The following ERCC6L2 variants were observed in gnomAD, a reference collection of about 807,000 sequenced individuals.
ERCC6L2 encodes ERCC excision repair 6 like 2.
A neutral mutation model predicts 132.0 loss-of-function variants in ERCC6L2; 77 were observed. That is an observed-to-expected ratio of 0.58 (90% CI 0.49 to 0.71). The LOEUF (loss-of-function observed/expected upper bound fraction) is 0.71, where lower values mean the gene tolerates loss of function less well. Among genes scored for constraint, ERCC6L2 ranks in the 30% least tolerant of loss-of-function variants. The pLI is 0.00. For synonymous variants in ERCC6L2, 583 were observed against 632.4 expected (o/e 0.92, Z 1.17); for missense variants, 1,542 against 1,837.6 (o/e 0.84, Z 2.94).
At chr9:95,936,478 A>C (rs1389990470) in intron 11 of ERCC6L2, among the ~76,000 whole-genome samples, 1 of 152,160 alleles carries the variant, frequency 6.6e-6, no homozygotes, top group Non-Finnish European at 1.5e-5. Flanking sequence ...TGTGATCAAC[A>C]TGTGATGGTG....
At chr9:95,929,856 A>G (rs1830261616) in intron 11 of ERCC6L2, among the ~76,000 whole-genome samples, 1 of 152,162 alleles carries the variant, frequency 6.6e-6, no homozygotes. Context: ...GCACTAAACA[A>G]TGGTTCCAAT....
In ERCC6L2 at chr9:95,875,734, C is replaced by T. The variant is rs1046969510; in HGVS notation, c.-305C>T. The T allele has an allele frequency of 4.3e-6, 2 of 463,554 alleles. No homozygotes were observed. The highest frequency in any genetic ancestry group is 7.8e-6 in the Non-Finnish European group (2 of 255,986). 28.7% of individuals were successfully genotyped at this position (463,554 alleles called of 1,614,324 possible). On this transcript the variant is annotated 5_prime_UTR_variant, in exon 1 of 19. Transcript: ENST00000653738. ...GGGGTCGCCTTGCCGGCCTCCTGTC[C>T]TCCTCCGGCGGCGGCGGAGCCCGAG...
intron 5 of ERCC6L2, 123 bp downstream of exon 5, chr9:95,915,952 T>A: frequency 1.0e-6 from 1 of 997,412 alleles, no homozygotes; most frequent in South Asian, 1.7e-5. Context: ...ATGTGTTTGA[T>A]CCCAGATGTG....
chr9:96,038,022 G>A (rs1834539139), intron 19 of ERCC6L2, among the ~76,000 whole-genome samples: 1 of 151,946 alleles, frequency 6.6e-6, no homozygotes, highest in South Asian at 2.1e-4. Context: ...TGGCATGCGT[G>A]GGTAGGTGGG....
At chr9:95,906,833 A>G in intron 3 of ERCC6L2, 2 of 534,766 alleles carry the variant, frequency 3.7e-6, no homozygotes, top group Non-Finnish European at 6.8e-6. Context: ...GGGAAATAAA[A>G]AACACGTGTT....
intron 6 of ERCC6L2, chr9:95,918,525 G>T: frequency 2.1e-6 from 1 of 486,858 alleles, no homozygotes; most frequent in South Asian, 1.5e-5. Flanking sequence ...ACTTGCTAAA[G>T]ACAAAATGAT....
At chr9:96,030,376 A>G (rs1164422712) in intron 19 of ERCC6L2, among the ~76,000 whole-genome samples, 1 of 151,902 alleles carries the variant, frequency 6.6e-6, no homozygotes, top group South Asian at 2.1e-4. Flanking sequence ...CTTCACAATA[A>G]ATCTTGGTGT....
At chr9:95,957,084 A>T (rs1437269322) in intron 13 of ERCC6L2, among the ~76,000 whole-genome samples, 1 of 152,194 alleles carries the variant, frequency 6.6e-6, no homozygotes, top group Non-Finnish European at 1.5e-5. Flanking sequence ...TTCGTCCGAA[A>T]TTGCATTAAC....
intron 2 of ERCC6L2, among the ~76,000 whole-genome samples, chr9:95,884,619 C>A (rs1016131334): frequency 2.6e-5 from 4 of 151,888 alleles, no homozygotes; most frequent in Non-Finnish European, 5.9e-5. Context: ...TTCCTTCCCT[C>A]ATTTCAAATT....
At chr9:95,880,366 T>C (rs1827524240) in intron 1 of ERCC6L2, among the ~76,000 whole-genome samples, 1 of 152,156 alleles carries the variant, frequency 6.6e-6, no homozygotes, top group African/African-American at 2.4e-5. Flanking sequence ...GTCCAGAGGA[T>C]TTTAGTTTAC....
chr9:96,031,118 T>C (rs1228322292), intron 19 of ERCC6L2, among the ~76,000 whole-genome samples: 5 of 152,240 alleles, frequency 3.3e-5, no homozygotes, highest in Non-Finnish European at 7.3e-5. Flanking sequence ...AAGCACCTGC[T>C]GTGTTTCGTG....
intron 16 of ERCC6L2, 28 bp from the exon 17 acceptor site, chr9:95,978,033 C>A: frequency 1.1e-5 from 15 of 1,344,424 alleles, no homozygotes; most frequent in Non-Finnish European, 1.5e-5. Context: ...ACTGATACAT[C>A]ACTTAATAAA....
At chr9:95,960,874 A>G (rs2133022158) in intron 13 of ERCC6L2, among the ~76,000 whole-genome samples, 1 of 151,834 alleles carries the variant, frequency 6.6e-6, no homozygotes, top group African/African-American at 2.4e-5. Flanking sequence ...TTGTTAATTC[A>G]GAACTCTCCC....
At chr9:95,908,804 T>C (rs574917557) in intron 4 of ERCC6L2, among the ~76,000 whole-genome samples, 1 of 152,306 alleles carries the variant, frequency 6.6e-6, no homozygotes, top group Non-Finnish European at 1.5e-5. Context: ...GAACTACTGC[T>C]AATGAAGGAG....
intron 1 of ERCC6L2, among the ~76,000 whole-genome samples, chr9:95,879,570 G>A (rs1033576841): frequency 1.3e-5 from 2 of 152,138 alleles, no homozygotes; most frequent in Non-Finnish European, 2.9e-5. Context: ...GCTTTAGTTT[G>A]ACATTAAAAC....
At chr9:95,911,491 A>G (rs1829337625) in intron 4 of ERCC6L2, among the ~76,000 whole-genome samples, 1 of 152,092 alleles carries the variant, frequency 6.6e-6, no homozygotes, top group Non-Finnish European at 1.5e-5. Flanking sequence ...TTATGTAACT[A>G]TAAATCATAT....
At chr9:95,937,234 C>A (rs1830598260) in intron 11 of ERCC6L2, among the ~76,000 whole-genome samples, 1 of 152,126 alleles carries the variant, frequency 6.6e-6, no homozygotes, top group Admixed American at 6.5e-5. Flanking sequence ...TTTACATTCC[C>A]CACAGCAGTG....
intron 11 of ERCC6L2, among the ~76,000 whole-genome samples, chr9:95,935,833 G>T (rs1399816212): frequency 6.6e-6 from 1 of 152,120 alleles, no homozygotes; most frequent in Non-Finnish European, 1.5e-5. Context: ...AGCAAGCCCT[G>T]TAATTTGAAC....
chr9:95,893,767 T>C (rs1030734131), intron 2 of ERCC6L2, among the ~76,000 whole-genome samples: 2 of 152,190 alleles, frequency 1.3e-5, no homozygotes, highest in Non-Finnish European at 2.9e-5. Flanking sequence ...CTTTTCTCTA[T>C]TTTTTCTTCA....
Sources: allele counts gnomAD v4.1 joint callset (sites outside exome capture counted in the v4.1 genomes callset), GRCh38; gene constraint gnomAD v4.1.1; transcripts MANE v1.5; gene names NCBI Gene and HGNC (gene_info 2026-07-23, HGNC 2026-07-21).